The following POLDIP3 variants were observed in gnomAD, a reference collection of about 807,000 sequenced individuals.
POLDIP3 encodes DNA polymerase delta interacting protein 3.
POLDIP3 carries 14 observed loss-of-function variants against 45.1 expected under a neutral mutation model. That is an observed-to-expected ratio of 0.31 (90% CI 0.20 to 0.49). POLDIP3 has a LOEUF of 0.49. Among genes scored for constraint, POLDIP3 ranks in the 20% least tolerant of loss-of-function variants. The pLI is 0.99. For synonymous variants in POLDIP3, 223 were observed against 205.2 expected (o/e 1.09, Z -0.74); for missense variants, 511 against 538.8 (o/e 0.95, Z 0.51).
Position 42,599,773 on chromosome 22 carries a change from T to A in POLDIP3, c.558A>T (p.Glu186Asp). The part of the protein sequence containing the change: ...QAKQNLYDLD[E>D]DDDGIASVPT... ...GAACGGAAGCTATACCATCATCATCTTCATCCAGGTCATATAAATTCTGAG... is the reference window on the plus strand; with the variant it reads ...GAACGGAAGCTATACCATCATCATCATCATCCAGGTCATATAAATTCTGAG... The change falls in exon 4 of 9, where the codon GAA (glutamate) becomes GAT (aspartate). Residue 186 changes from glutamate to aspartate, a missense_variant. Physicochemically the swap from Glu to Asp is conservative, Grantham distance 45. Around this residue, in one of 4 missense-constraint regions of POLDIP3, gnomAD observed 378 missense variants for 352.3 expected, o/e 1.07. Transcript: ENST00000252115. 6.2e-7 allele frequency: 1 copy of A among 1,609,762 alleles called. No homozygotes were observed. Among genetic ancestry groups the A allele is most frequent in the Non-Finnish European group, 8.5e-7 (1 of 1,176,546 alleles).
chr22:42,587,406 G>A, intron 8 of POLDIP3, 100 bp downstream of exon 8: 1 of 1,210,718 alleles, frequency 8.3e-7, no homozygotes, highest in Non-Finnish European at 1.2e-6. Context: ...GAAACGGAAT[G>A]GGGGGATGAA....
chr22:42,609,906 T>G lies in POLDIP3; in HGVS notation c.59+4893A>C, dbSNP rs151283055. 2.9e-3 allele frequency among the ~76,000 whole-genome samples: 438 copies of G among 152,326 alleles called. 2 individuals carry two copies. The highest frequency in any genetic ancestry group is 9.7e-3 in the African/African-American group (402 of 41,572). On this transcript the variant is annotated intron_variant, in intron 1 of 8. Coordinates refer to ENST00000252115, the MANE Select transcript of POLDIP3 (RefSeq NM_032311.5). ...ACTATCCCCTGCTGGGCGAGGTGGC[T>G]CACGCCTGTAATCCCAAGCACTTTG... is the stretch of plus-strand genomic sequence containing the variant.
chr22:42,595,632 G>C lies in POLDIP3; in HGVS notation c.814-18C>G. On this transcript the variant is annotated intron_variant, in intron 5 of 8. Transcript: ENST00000252115. ...AGAACAGGCTGCCACACAGACAAGA[G>C]CATTACCAGAAGCCAGATGGCTGAT... 6.2e-7 allele frequency: 1 copy of C among 1,611,340 alleles called. No individual in the cohort carries two copies. Among genetic ancestry groups the C allele is most frequent in the Non-Finnish European group, 8.5e-7 (1 of 1,177,854 alleles).
intron 6 of POLDIP3, among the ~76,000 whole-genome samples, chr22:42,594,271 C>T (rs1197984362): frequency 6.6e-6 from 1 of 151,810 alleles, no homozygotes; most frequent in Non-Finnish European, 1.5e-5. Context: ...TTAAAAAAAA[C>T]AAATCGAGGT....
At chr22:42,589,704 C>T (rs574547082) in intron 7 of POLDIP3, among the ~76,000 whole-genome samples, 8 of 151,776 alleles carry the variant, frequency 5.3e-5, no homozygotes, top group Non-Finnish European at 7.4e-5. Context: ...ATTAGCTGGG[C>T]GTGACAGTGG....
chr22:42,607,029 C>T (rs1189174373), intron 1 of POLDIP3, among the ~76,000 whole-genome samples: 2 of 152,196 alleles, frequency 1.3e-5, no homozygotes, highest in African/African-American at 4.8e-5. Context: ...CTTTGGGAGG[C>T]CAAGGCGGGC....
intron 7 of POLDIP3, among the ~76,000 whole-genome samples, chr22:42,588,630 CTTTTT>C (rs201367552): frequency 7.3e-6 from 1 of 136,954 alleles, no homozygotes. Context: ...TTCTTTCTTT[CTTTTT>C]TTTTTTTTTT....
intron 6 of POLDIP3, 93 bp downstream of exon 6, chr22:42,595,444 C>G: frequency 9.0e-7 from 1 of 1,113,438 alleles, no homozygotes; most frequent in East Asian, 2.3e-5. Flanking sequence ...TCTGGTGAGT[C>G]CTAGCAGTCA....
At chr22:42,597,786 T>C (rs1481805398) in intron 4 of POLDIP3, 1 of 454,504 alleles carries the variant, frequency 2.2e-6, no homozygotes, top group Non-Finnish European at 4.5e-6. Flanking sequence ...ACCTCTTTTT[T>C]TTTTTTTTTT....
At chr22:42,609,128 T>C (rs1352311611) in intron 1 of POLDIP3, among the ~76,000 whole-genome samples, 1 of 152,172 alleles carries the variant, frequency 6.6e-6, no homozygotes, top group Non-Finnish European at 1.5e-5. Context: ...GGGGCTCCTT[T>C]ACAAAGCCCA....
intron 4 of POLDIP3, among the ~76,000 whole-genome samples, chr22:42,596,636 GC>G (rs577118388): frequency 9.4e-4 from 143 of 152,258 alleles, no homozygotes; most frequent in African/African-American, 3.3e-3. Flanking sequence ...CTTCCATACA[GC>G]CCTGACCTGG....
At chr22:42,586,657 A>G (rs1443349681) in intron 8 of POLDIP3, among the ~76,000 whole-genome samples, 1 of 152,232 alleles carries the variant, frequency 6.6e-6, no homozygotes, top group African/African-American at 2.4e-5. Context: ...AATATTTCTT[A>G]TTCCTTGAAC....
At chr22:42,595,674 G>A (rs952115356) in intron 5 of POLDIP3, 60 bp from the exon 6 acceptor site, 1 of 1,499,824 alleles carries the variant, frequency 6.7e-7, no homozygotes, top group African/African-American at 1.4e-5. Flanking sequence ...TCCCACAACA[G>A]AAATTCCTCC....
At chr22:42,603,999 GT>G (rs1601902199) in intron 1 of POLDIP3, among the ~76,000 whole-genome samples, 1 of 152,084 alleles carries the variant, frequency 6.6e-6, no homozygotes, top group African/African-American at 2.4e-5. Context: ...TCTTTCTTGG[GT>G]TCCTCTGTTG....
intron 1 of POLDIP3, among the ~76,000 whole-genome samples, chr22:42,610,666 G>A (rs1325488863): frequency 1.3e-5 from 2 of 152,228 alleles, no homozygotes; most frequent in Non-Finnish European, 2.9e-5. Context: ...ACTTTGTGAG[G>A]CAGAGGCAGG....
chr22:42,597,596 T>C (rs1031672762), intron 4 of POLDIP3: 1 of 417,060 alleles, frequency 2.4e-6, no homozygotes, highest in Non-Finnish European at 4.9e-6. Flanking sequence ...ACAGTACCCA[T>C]CTCACAGGGT....
chr22:42,600,621 G>C (rs1311952814), intron 3 of POLDIP3, among the ~76,000 whole-genome samples: 2 of 147,020 alleles, frequency 1.4e-5, no homozygotes, highest in Non-Finnish European at 3.0e-5. Flanking sequence ...GCGAGACTCG[G>C]TCTCAAAAAA....
intron 4 of POLDIP3, chr22:42,597,707 G>C: frequency 2.1e-6 from 1 of 470,892 alleles, no homozygotes; most frequent in South Asian, 1.5e-5. Context: ...TAGCAGACTT[G>C]AGCAGTCTAA....
intron 6 of POLDIP3, among the ~76,000 whole-genome samples, 174 bp from the exon 7 acceptor site, chr22:42,592,258 C>A (rs1925714521): frequency 6.6e-6 from 1 of 152,250 alleles, no homozygotes; most frequent in African/African-American, 2.4e-5. Flanking sequence ...CAGGCTTCAA[C>A]ACAGCACCAG....
Sources: allele counts gnomAD v4.1 joint callset (sites outside exome capture counted in the v4.1 genomes callset), GRCh38; gene constraint gnomAD v4.1.1; regional missense constraint gnomAD v4.1.1; transcripts MANE v1.5; gene names NCBI Gene and HGNC (gene_info 2026-07-23, HGNC 2026-07-21).